Variants in SLC25A31 observed in about 807,000 individuals in gnomAD.
SLC25A31 encodes the protein solute carrier family 25 member 31.
SLC25A31 carries 40 observed loss-of-function variants against 36.2 expected under a neutral mutation model. The observed-to-expected ratio is 1.10, with a 90% confidence interval of 0.86 to 1.44. The LOEUF is 1.44. SLC25A31 is among the 40% of genes most tolerant of loss of function. SLC25A31 has a pLI of 0.00. For missense variants in SLC25A31, 350 were observed against 397.1 expected, an observed-to-expected ratio of 0.88 and a Z score of 1.01; for synonymous variants, 143 against 149.7, an observed-to-expected ratio of 0.96 and a Z score of 0.32.
intron 2 of SLC25A31, among the ~76,000 whole-genome samples, chr4:127,756,989 A>G (rs931676492): frequency 3.3e-5 from 5 of 152,202 alleles, no homozygotes; most frequent in African/African-American, 1.2e-4. Context: ...ATGAAAATTT[A>G]TGTTCATACA....
At chr4:127,766,326 C>G (rs1732242829) in intron 3 of SLC25A31, among the ~76,000 whole-genome samples, 1 of 151,870 alleles carries the variant, frequency 6.6e-6, no homozygotes, top group Non-Finnish European at 1.5e-5. Flanking sequence ...CACCACGACG[C>G]CTGGCTAATT....
chr4:127,770,794 AAAC>A (rs1165531311), intron 5 of SLC25A31, among the ~76,000 whole-genome samples: 1 of 152,054 alleles, frequency 6.6e-6, no homozygotes, highest in Non-Finnish European at 1.5e-5. Flanking sequence ...TGGTTTGCTT[AAAC>A]AACAAATTTA....
chr4:127,763,385 A>G (rs1392719883), intron 2 of SLC25A31, among the ~76,000 whole-genome samples: 1 of 152,226 alleles, frequency 6.6e-6, no homozygotes, highest in Non-Finnish European at 1.5e-5. Context: ...ACCAGAAAAT[A>G]AAGCAAGAAA....
At chr4:127,766,152 G>GT (rs200817660) in intron 3 of SLC25A31, among the ~76,000 whole-genome samples, 815 of 38,614 alleles carry the variant, frequency 0.021, 9 homozygotes, top group African/African-American at 0.052. Context: ...TTTTTTATTT[G>GT]TTTTTTTTTT....
chr4:127,733,866 TTC>T (rs1731575342), intron 1 of SLC25A31, among the ~76,000 whole-genome samples: 1 of 152,238 alleles, frequency 6.6e-6, no homozygotes, highest in Non-Finnish European at 1.5e-5. Context: ...TATCTCTACT[TTC>T]TTTCCATTAC....
At chr4:127,734,497 C>T (rs974601031) in intron 1 of SLC25A31, among the ~76,000 whole-genome samples, 20 of 138,250 alleles carry the variant, frequency 1.4e-4, no homozygotes, top group African/African-American at 5.4e-4. Flanking sequence ...GAAGCACAGG[C>T]TTCAGTGAGC....
chr4:127,751,579 A>C (rs1012927313), intron 2 of SLC25A31, among the ~76,000 whole-genome samples: 2 of 152,228 alleles, frequency 1.3e-5, no homozygotes, highest in African/African-American at 4.8e-5. Context: ...AATGGGATCT[A>C]ATTAAACTAA....
chr4:127,735,867 A>ATTTT (rs1229789209), intron 1 of SLC25A31, among the ~76,000 whole-genome samples: 46 of 132,600 alleles, frequency 3.5e-4, no homozygotes, highest in Non-Finnish European at 5.9e-4. Flanking sequence ...ACATTCTTTT[A>ATTTT]TTTTATTTAT....
chr4:127,730,623 C>T lies in SLC25A31; in HGVS notation c.78C>T (p.Ala26=), dbSNP rs1344345373. The change falls in exon 1 of 6, where the codon GCC becomes GCT. Residue 26 remains alanine, a synonymous_variant. Coordinates refer to ENST00000281154, the MANE Select transcript of SLC25A31 (RefSeq NM_031291.4). The part of the protein sequence containing the change: ...DASSFGKDLL[A]GGVAAAVSKT... ...CATCCTTCGGGAAGGACCTTCTGGC[C>T]GGCGGAGTCGCGGCAGCTGTGTCCA... 15 of 1,613,998 alleles carry T rather than the reference C, an allele frequency of 9.3e-6. No homozygotes were observed. The highest frequency in any genetic ancestry group is 8.9e-5 in the East Asian group (4 of 44,880).
chr4:127,738,789 A>G (rs981734347), intron 1 of SLC25A31, among the ~76,000 whole-genome samples: 2 of 151,982 alleles, frequency 1.3e-5, no homozygotes, highest in African/African-American at 4.8e-5. Flanking sequence ...GGGTGGTCCA[A>G]ATGTTGGGTA....
At position 127,768,799 on chromosome 4, in the gene SLC25A31, C is replaced by T. The variant is rs866963188; in HGVS notation, c.681C>T (p.Phe227=). ...AAACTCCATTTCTTGTCTCCTTTTTCATTGCTCAAGTTGTGACTACATGCT... is the reference window on the plus strand; with the variant it reads ...AAACTCCATTTCTTGTCTCCTTTTTTATTGCTCAAGTTGTGACTACATGCT... ...PKKTPFLVSF[F]IAQVVTTCSG... Residue 227 remains phenylalanine (F), a synonymous_variant, in exon 5 of 6, where the codon TTC becomes TTT. Transcript: ENST00000281154. The T allele has an allele frequency of 6.2e-7, 1 of 1,608,150 alleles. No homozygotes were observed. The highest frequency in any genetic ancestry group is 8.5e-7 in the Non-Finnish European group (1 of 1,177,332).
intron 5 of SLC25A31, 92 bp downstream of exon 5, chr4:127,768,969 G>A: frequency 1.7e-6 from 2 of 1,191,380 alleles, no homozygotes; most frequent in Non-Finnish European, 2.3e-6. Flanking sequence ...TTGGCTGAAA[G>A]GCATAAGTCA....
intron 1 of SLC25A31, among the ~76,000 whole-genome samples, chr4:127,731,598 A>T (rs1170931861): frequency 1.3e-5 from 2 of 152,118 alleles, no homozygotes; most frequent in African/African-American, 4.8e-5. Context: ...AGTCCCAGCT[A>T]CTTGCGGGAC....
At chr4:127,740,486 A>G (rs1731712495) in intron 1 of SLC25A31, among the ~76,000 whole-genome samples, 1 of 152,196 alleles carries the variant, frequency 6.6e-6, no homozygotes, top group African/African-American at 2.4e-5. Context: ...CAGCTGAGTC[A>G]ACTGAGGCAA....
rs2148750109 is a variant in SLC25A31 at position 127,730,433 on chromosome 4, C to CAAG, written c.-112_-111insAGA. On this transcript the variant is annotated 5_prime_UTR_variant, in exon 1 of 6. Transcript: ENST00000281154. The stretch of plus-strand genomic sequence containing the variant: ...GCGGCTCTCTCAGCGTCCCAAGAGC[C>CAAG]ACTTTCTCGCCAGTACGATGCTGCA... The CAAG allele has an allele frequency of 8.5e-7, 1 of 1,171,018 alleles. No homozygotes were observed. The highest frequency in any genetic ancestry group is 2.5e-5 in the East Asian group (1 of 39,224). 72.5% of individuals were successfully genotyped at this position (1,171,018 alleles called of 1,614,324 possible).
intron 2 of SLC25A31, among the ~76,000 whole-genome samples, chr4:127,748,041 G>A (rs1731856327): frequency 6.6e-6 from 1 of 152,156 alleles, no homozygotes; most frequent in East Asian, 1.9e-4. Flanking sequence ...GCTTACCTAA[G>A]CCTTGGTGTC....
chr4:127,731,578 G>A (rs1456196767), intron 1 of SLC25A31, among the ~76,000 whole-genome samples: 1 of 152,058 alleles, frequency 6.6e-6, no homozygotes, highest in African/African-American at 2.4e-5. Flanking sequence ...GCGTGGTGGC[G>A]CACGCCTGCA....
intron 2 of SLC25A31, among the ~76,000 whole-genome samples, chr4:127,746,786 A>G (rs918849596): frequency 6.6e-6 from 1 of 151,994 alleles, no homozygotes; most frequent in Non-Finnish European, 1.5e-5. Flanking sequence ...AGTAGATCCT[A>G]TTTGTCGATT....
chr4:127,764,094 A>G (rs1382799100), intron 2 of SLC25A31, 149 bp from the exon 3 acceptor site: 1 of 598,284 alleles, frequency 1.7e-6, no homozygotes, highest in African/African-American at 1.9e-5. Flanking sequence ...TATTTTGGAT[A>G]GCATGGTATG....
Sources: allele counts gnomAD v4.1 joint callset (sites outside exome capture counted in the v4.1 genomes callset), GRCh38; gene constraint gnomAD v4.1.1; transcripts MANE v1.5; gene names NCBI Gene and HGNC (gene_info 2026-07-23, HGNC 2026-07-21).